Variants in ACSBG1 observed in about 807,000 individuals in gnomAD.
ACSBG1 encodes long-chain-fatty-acid--CoA ligase ACSBG1.
In ACSBG1, 39 loss-of-function variants were observed where a neutral mutation model predicts 80.2. The ratio of observed to expected loss-of-function variants is 0.49; its 90% confidence interval spans 0.38 to 0.64. ACSBG1 has a LOEUF of 0.64. Ranked by LOEUF, ACSBG1 falls within the 30% of genes least tolerant of loss-of-function variation. The pLI is 0.00. For missense variants in ACSBG1, 828 were observed against 966.4 expected (o/e 0.86, Z 1.90); for synonymous variants, 392 against 379.5 (o/e 1.03, Z -0.38).
intron 1 of ACSBG1, among the ~76,000 whole-genome samples, chr15:78,226,985 C>G (rs1026496790): frequency 2.7e-5 from 4 of 150,382 alleles, no homozygotes; most frequent in Admixed American, 2.6e-4. Flanking sequence ...TCTGGGAGGC[C>G]GAGGAGGGCA....
intron 1 of ACSBG1, among the ~76,000 whole-genome samples, chr15:78,215,786 G>A (rs994132277): frequency 8.1e-6 from 1 of 122,938 alleles, no homozygotes; most frequent in East Asian, 2.7e-4. Context: ...AAGAAAGAAA[G>A]AGAAAGAAAG....
At chr15:78,179,011 G>A in intron 10 of ACSBG1, 180 bp from the exon 11 acceptor site, 2 of 619,128 alleles carry the variant, frequency 3.2e-6, no homozygotes, top group Non-Finnish European at 5.6e-6. Flanking sequence ...AAGGGTTTTA[G>A]GGAATGAAGG....
At chr15:78,228,985 T>C (rs563778315) in intron 1 of ACSBG1, among the ~76,000 whole-genome samples, 5 of 152,332 alleles carry the variant, frequency 3.3e-5, no homozygotes, top group African/African-American at 1.2e-4. Context: ...TTTAAAAAAA[T>C]GTTTGTATTG....
chr15:78,183,315 G>A (rs1321227453), intron 5 of ACSBG1, among the ~76,000 whole-genome samples: 9 of 152,222 alleles, frequency 5.9e-5, no homozygotes, highest in African/African-American at 1.9e-4. Context: ...GGTGGCTCAC[G>A]CCTGTAATCC....
At position 78,178,803 on chromosome 15, in the gene ACSBG1, C is replaced by T; in HGVS notation, c.1513G>A (p.Val505Met). 6.2e-7 allele frequency: 1 copy of T among 1,613,252 alleles called. No individual in the cohort carries two copies. Among genetic ancestry groups the T allele is most frequent in the South Asian group, 1.1e-5 (1 of 91,068 alleles). Residue 505 changes from valine to methionine, a missense_variant, in exon 11 of 14, where the codon GTG becomes ATG. Val to Met is a conservative substitution (Grantham distance 21). This residue lies in a region of ACSBG1 where 271 missense variants were observed against 375.9 expected (regional missense o/e 0.72). Transcript: ENST00000258873. The surrounding 1 kb of genome is among the most constrained non-coding windows in gnomAD (Gnocchi z 4.3). Reference protein sequence around the residue: ...SSGKLVPGCRVKLVNQDAEGI... With the variant: ...SSGKLVPGCRMKLVNQDAEGI... ...TCTGCGTCCTGGTTCACCAGCTTCA[C>T]CCGACAGCCGGGCACCAACTTGCCT...
rs1251924463 is a variant in ACSBG1, at chr15:78,179,811, G to C, written c.1254-31C>G. On this transcript the variant is annotated intron_variant, in intron 9 of 13. Transcript: ENST00000258873. ...GGGAGAGGGAGAATGGTTCACAGAA[G>C]AAATCACACACACACACACACACAC... 50 of 1,253,556 alleles carry C rather than the reference G, an allele frequency of 4.0e-5. 1 individual carries two copies. The highest frequency in any genetic ancestry group is 2.3e-6 in the Non-Finnish European group (2 of 879,494). 77.7% of individuals were successfully genotyped at this position (1,253,556 alleles called of 1,614,324 possible). A position where few individuals can be genotyped will look rare whatever the true frequency, so the allele number is the denominator to read the frequency against.
intron 2 of ACSBG1, among the ~76,000 whole-genome samples, chr15:78,204,496 C>T (rs541532512): frequency 1.3e-5 from 2 of 152,306 alleles, no homozygotes; most frequent in African/African-American, 4.8e-5. Flanking sequence ...GGAGGGGACA[C>T]CCAGGCAGTG....
Position 78,182,215 on chromosome 15 carries a change from ACCCTGGGGGCCAGCCCCAGTGTGGTGCC to A in ACSBG1, c.895-98_895-71del, listed in dbSNP as rs998416515. On this transcript the variant is annotated intron_variant, in intron 7 of 13. Coordinates refer to ENST00000258873, the MANE Select transcript of ACSBG1 (RefSeq NM_015162.5). ...CCTGGCGGTGCTCACAACTGTGGCC[ACCCTGGGGGCCAGCCCCAGTGTGGTGCC>A]CCCTGTGGCGATTCTGCAGGCTCTG... 20 of 1,544,656 alleles carry A rather than the reference ACCCTGGGGGCCAGCCCCAGTGTGGTGCC, an allele frequency of 1.3e-5. No homozygotes were observed. In the Admixed American group the frequency reaches 2.9e-4, roughly 23 times the overall value.
Position 78,194,000 on chromosome 15 carries a change from G to A in ACSBG1, c.474C>T (p.His158=), listed in dbSNP as rs999532273. ...GFLKLGLKQA[H]SVAILGFNSP... ...AGTTGAAGCCGAGGATGGCCACACT[G>A]TGGGCCTGCTTCAGGCCGAGCTCCA... The change falls in exon 4 of 14, where the codon CAC becomes CAT. Residue 158 remains histidine (H), a synonymous_variant. Coordinates refer to ENST00000258873, the MANE Select transcript of ACSBG1 (RefSeq NM_015162.5). The A allele has an allele frequency of 1.2e-6, 2 of 1,613,868 alleles. No homozygotes were observed. Among genetic ancestry groups the A allele is most frequent in the African/African-American group, 1.3e-5 (1 of 74,926 alleles).
intron 2 of ACSBG1, among the ~76,000 whole-genome samples, chr15:78,199,277 G>T (rs907574147): frequency 6.6e-6 from 1 of 151,776 alleles, no homozygotes; most frequent in African/African-American, 2.4e-5. Flanking sequence ...GAGACGTGGG[G>T]GTTAGCCATG....
rs780783529 is a variant in ACSBG1, at chr15:78,178,675, G to T, written c.1641C>A (p.His547Gln). Residue 547 changes from histidine (H) to glutamine (Q), a missense_variant, in exon 11 of 14, where the codon CAC (histidine) becomes CAA (glutamine). By Grantham distance (24) the His-to-Gln change is conservative. Transcript: ENST00000258873. The surrounding 1 kb of genome is among the most constrained non-coding windows in gnomAD (Gnocchi z 4.3). ...CEAIDEEGWL[H>Q]TGDAGRLDAD... The stretch of plus-strand genomic sequence containing the variant: ...CGTCCAGGCGGCCAGCATCACCCGT[G>T]TGCAGCCAGCCTTCCTCGTCGATGG... 6.2e-7 allele frequency: 1 copy of T among 1,614,058 alleles called. No homozygotes were observed.
At chr15:78,182,649 T>G (rs371592843) in intron 6 of ACSBG1, 34 bp from the exon 7 acceptor site, 1 of 1,613,694 alleles carries the variant, frequency 6.2e-7, no homozygotes, top group Non-Finnish European at 8.5e-7. Flanking sequence ...GCAGGCTAGG[T>G]CAGCTGGGTG....
At chr15:78,181,184 G>T in intron 8 of ACSBG1, 1 of 499,506 alleles carries the variant, frequency 2.0e-6, no homozygotes. Flanking sequence ...CCCTGAGCAT[G>T]GCAACTCTCC....
intron 5 of ACSBG1, among the ~76,000 whole-genome samples, chr15:78,183,799 T>C (rs2074972991): frequency 7.7e-6 from 1 of 130,422 alleles, no homozygotes; most frequent in Non-Finnish European, 1.5e-5. Flanking sequence ...TCCCAGCTAC[T>C]TGGGAGGCTG....
chr15:78,178,892 G>C lies in ACSBG1; in HGVS notation c.1485-61C>G. The stretch of plus-strand genomic sequence containing the variant: ...AGCCGTCTCCTCCAAGCCCCCACTG[G>C]GGAGCCGGGGTCCCAACTGCTCGGT... On this transcript the variant is annotated intron_variant, in intron 10 of 13. Coordinates refer to ENST00000258873, the MANE Select transcript of ACSBG1 (RefSeq NM_015162.5). The surrounding 1 kb of genome is among the most constrained non-coding windows in gnomAD (Gnocchi z 4.3). The C allele has an allele frequency of 6.6e-7, 1 of 1,507,934 alleles. No individual in the cohort carries two copies. The highest frequency in any genetic ancestry group is 8.9e-7 in the Non-Finnish European group (1 of 1,126,012). The allele number at this position is 1,507,934 out of a possible 1,614,324, so 93.4% of individuals were successfully genotyped here. A position where few individuals can be genotyped will look rare whatever the true frequency, so the allele number is the denominator to read the frequency against.
Position 78,174,437 on chromosome 15 carries a change from G to A in ACSBG1, c.1790C>T (p.Ala597Val), listed in dbSNP as rs776603338. The A allele has an allele frequency of 6.2e-7, 1 of 1,614,136 alleles. No homozygotes were observed. The highest frequency in any genetic ancestry group is 1.1e-5 in the South Asian group (1 of 91,086). The change falls in exon 12 of 14, where the codon GCC becomes GTC. Residue 597 changes from alanine to valine, a missense_variant. By Grantham distance (64) the Ala-to-Val change is moderately conservative. Around this residue, in one of 3 missense-constraint regions of ACSBG1, gnomAD observed 201 missense variants for 227.0 expected, o/e 0.89. Coordinates refer to ENST00000258873, the MANE Select transcript of ACSBG1 (RefSeq NM_015162.5). ...VKMELPIISN[A>V]MLIGDQRKFL... ...CTTCCTCTGGTCCCCAATGAGCATG[G>A]CGTTGCTGATGATGGGCAGCTCCAT...
intron 1 of ACSBG1, chr15:78,209,371 G>A (rs1387116692): frequency 1.2e-5 from 5 of 420,518 alleles, no homozygotes; most frequent in Middle Eastern, 5.5e-4. Flanking sequence ...CAAGGCCTGG[G>A]CCACAGGCCT....
In ACSBG1 at chr15:78,182,132, G is replaced by T; in HGVS notation, c.908C>A (p.Ala303Glu). The T allele has an allele frequency of 6.2e-7, 1 of 1,609,992 alleles. No individual in the cohort carries two copies. ...MLSQDNITWT[A>E]RYGSQAGDIR... Reference sequence around the variant, plus strand: ...GTCACCGGCCTGGCTGCCGTACCGTGCCGTCCACGTGATCTGGAGGACAAG... The same window carrying T: ...GTCACCGGCCTGGCTGCCGTACCGTTCCGTCCACGTGATCTGGAGGACAAG... Residue 303 changes from alanine to glutamate, a missense_variant, in exon 8 of 14, where the codon GCA becomes GAA. Coordinates refer to ENST00000258873, the MANE Select transcript of ACSBG1 (RefSeq NM_015162.5).
At chr15:78,212,921 T>G (rs1308520000) in intron 1 of ACSBG1, among the ~76,000 whole-genome samples, 1 of 152,144 alleles carries the variant, frequency 6.6e-6, no homozygotes, top group Non-Finnish European at 1.5e-5. Context: ...GGCTGTGGTC[T>G]CCATTCCCCA....
Sources: allele counts gnomAD v4.1 joint callset (sites outside exome capture counted in the v4.1 genomes callset), GRCh38; gene constraint gnomAD v4.1.1; regional missense constraint gnomAD v4.1.1; non-coding constraint Gnocchi (gnomAD v3.1); transcripts MANE v1.5; gene names NCBI Gene and HGNC (gene_info 2026-07-23, HGNC 2026-07-21).